OXSR1: variants seen among roughly 807,000 people sequenced by gnomAD.
OXSR1 encodes the protein oxidative stress responsive kinase 1.
A neutral mutation model predicts 79.8 loss-of-function variants in OXSR1; 24 were observed. That is an observed-to-expected ratio of 0.30 (90% CI 0.22 to 0.42). The LOEUF is 0.42. Among genes scored for constraint, OXSR1 ranks in the 10% least tolerant of loss-of-function variants. The pLI, the probability that OXSR1 is intolerant of heterozygous loss-of-function variation, is 1.00. For synonymous variants in OXSR1, 226 were observed against 209.2 expected (o/e 1.08, Z -0.69); for missense variants, 430 against 618.4 (o/e 0.70, Z 3.23).
chr3:38,232,472 A>G (rs1206437091), intron 10 of OXSR1, among the ~76,000 whole-genome samples: 2 of 151,964 alleles, frequency 1.3e-5, no homozygotes, highest in Non-Finnish European at 2.9e-5. Context: ...GAATAAAAAG[A>G]GATCAAGCAC....
chr3:38,168,099 G>A (rs765165678), intron 1 of OXSR1, among the ~76,000 whole-genome samples: 1 of 151,996 alleles, frequency 6.6e-6, no homozygotes, highest in Non-Finnish European at 1.5e-5. Context: ...TTCTGGATAG[G>A]GTTAGTGTTC....
intron 1 of OXSR1, among the ~76,000 whole-genome samples, chr3:38,173,695 T>G (rs1422090579): frequency 2.6e-5 from 4 of 152,200 alleles, no homozygotes; most frequent in Admixed American, 6.5e-5. Context: ...AAACAAGATT[T>G]TTTTTCCTTG....
chr3:38,246,382 G>C (rs759686913), intron 13 of OXSR1, among the ~76,000 whole-genome samples, 161 bp downstream of exon 13: 1 of 152,172 alleles, frequency 6.6e-6, no homozygotes, highest in African/African-American at 2.4e-5. Context: ...ACAGGTAAGA[G>C]AATTTTACAA....
intron 11 of OXSR1, among the ~76,000 whole-genome samples, chr3:38,241,873 C>A: frequency 6.8e-6 from 1 of 147,304 alleles, no homozygotes; most frequent in South Asian, 2.1e-4. Context: ...ATTACCTGAA[C>A]TTTGATTACT....
At chr3:38,232,337 G>A (rs1702826476) in intron 10 of OXSR1, among the ~76,000 whole-genome samples, 1 of 152,244 alleles carries the variant, frequency 6.6e-6, no homozygotes, top group South Asian at 2.1e-4. Flanking sequence ...TGGGAGGATC[G>A]CTTGAGCCTG....
chr3:38,250,283 A>G (rs139956205), intron 15 of OXSR1: 52 of 334,700 alleles, frequency 1.6e-4, no homozygotes, highest in Non-Finnish European at 2.6e-4. Context: ...CTTAAGCGTT[A>G]TCTTATTAAA....
Position 38,165,873 on chromosome 3 carries a change from C to T in OXSR1, c.-4C>T, listed in dbSNP as rs779282319. 1.2e-6 allele frequency: 2 copies of T among 1,609,514 alleles called. No homozygotes were observed. Among genetic ancestry groups the T allele is most frequent in the South Asian group, 2.2e-5 (2 of 90,532 alleles). On this transcript the variant is annotated 5_prime_UTR_variant, in exon 1 of 18. Transcript: ENST00000311806. Reference sequence around the variant, plus strand: ...AGGGAGGACCGCGAGCCGCTGCCGCCGTCATGTCCGAGGACTCGAGCGCCC... The same window carrying T: ...AGGGAGGACCGCGAGCCGCTGCCGCTGTCATGTCCGAGGACTCGAGCGCCC...
At chr3:38,240,410 A>C (rs1227845359) in intron 11 of OXSR1, among the ~76,000 whole-genome samples, 1 of 152,098 alleles carries the variant, frequency 6.6e-6, no homozygotes, top group Non-Finnish European at 1.5e-5. Context: ...AATTGGAGGC[A>C]TTGGTGTGAA....
intron 12 of OXSR1, among the ~76,000 whole-genome samples, chr3:38,243,776 T>C (rs1356517718): frequency 6.6e-6 from 1 of 152,256 alleles, no homozygotes; most frequent in African/African-American, 2.4e-5. Context: ...CCTTCACATA[T>C]TAACAGGCCG....
chr3:38,222,011 T>G (rs1337680150), intron 6 of OXSR1, among the ~76,000 whole-genome samples: 1 of 152,232 alleles, frequency 6.6e-6, no homozygotes, highest in African/African-American at 2.4e-5. Context: ...TAAGCCTCCA[T>G]ATAGTTATTT....
chr3:38,251,623 T>C, intron 16 of OXSR1, 152 bp downstream of exon 16: 1 of 637,242 alleles, frequency 1.6e-6, no homozygotes, highest in Non-Finnish European at 2.8e-6. Flanking sequence ...GGACAGTTCC[T>C]TACACACACA....
chr3:38,199,692 G>A (rs1702128291), intron 4 of OXSR1, among the ~76,000 whole-genome samples: 1 of 152,200 alleles, frequency 6.6e-6, no homozygotes, highest in South Asian at 2.1e-4. Flanking sequence ...AGCCCTTGCA[G>A]TGCTTTTCTA....
intron 8 of OXSR1, chr3:38,224,982 ATT>A (rs1472591612): frequency 5.4e-6 from 1 of 183,938 alleles, no homozygotes; most frequent in African/African-American, 2.3e-5. Flanking sequence ...TAGTGGAGAG[ATT>A]TGTTTTTAAT....
intron 1 of OXSR1, among the ~76,000 whole-genome samples, chr3:38,179,077 A>G (rs56306121): frequency 5.3e-5 from 7 of 132,196 alleles, no homozygotes; most frequent in Non-Finnish European, 6.3e-5. Context: ...GTCATCCAGG[A>G]TGGAGTGCAG....
At chr3:38,178,765 A>G (rs1701725986) in intron 1 of OXSR1, among the ~76,000 whole-genome samples, 1 of 151,490 alleles carries the variant, frequency 6.6e-6, no homozygotes, top group South Asian at 2.1e-4. Flanking sequence ...GGCATGAGCC[A>G]CCATACCCGG....
intron 1 of OXSR1, among the ~76,000 whole-genome samples, chr3:38,171,604 A>G (rs183060909): frequency 3.3e-5 from 5 of 151,840 alleles, no homozygotes; most frequent in Admixed American, 2.6e-4. Context: ...GTAAAATCCT[A>G]CAGAGAACAG....
Position 38,165,736 on chromosome 3 carries a change from C to A in OXSR1, c.-141C>A. 1.4e-6 allele frequency: 1 copy of A among 711,136 alleles called. No homozygotes were observed. Among genetic ancestry groups the A allele is most frequent in the South Asian group, 1.9e-5 (1 of 53,864 alleles). The allele number at this position is 711,136 out of a possible 1,614,324, so 44.1% of individuals were successfully genotyped here. ...GCGCGGTGACCCCGCGCCCCGGCGC[C>A]GTCCGACCCGTGGCTGTTCCGAGAC... On this transcript the variant is annotated 5_prime_UTR_variant, in exon 1 of 18. Coordinates refer to ENST00000311806, the MANE Select transcript of OXSR1 (RefSeq NM_005109.3).
At chr3:38,206,031 A>C (rs1028891532) in intron 4 of OXSR1, among the ~76,000 whole-genome samples, 1 of 152,242 alleles carries the variant, frequency 6.6e-6, no homozygotes, top group South Asian at 2.1e-4. Flanking sequence ...AGAAATAAAT[A>C]CATTTTTGTT....
At chr3:38,179,097 C>T (rs1435578366) in intron 1 of OXSR1, among the ~76,000 whole-genome samples, 2 of 150,476 alleles carry the variant, frequency 1.3e-5, no homozygotes, top group Non-Finnish European at 3.0e-5. Context: ...GTGGCATGAC[C>T]ACAGCTCACT....
Sources: allele counts gnomAD v4.1 joint callset (sites outside exome capture counted in the v4.1 genomes callset), GRCh38; gene constraint gnomAD v4.1.1; transcripts MANE v1.5; gene names NCBI Gene and HGNC (gene_info 2026-07-23, HGNC 2026-07-21).